The following CDK14 variants were observed in gnomAD, a reference collection of about 807,000 sequenced individuals.
The protein encoded by CDK14 is cyclin dependent kinase 14, also known as cyclin-dependent kinase 14.
Under a neutral mutation model 60.7 loss-of-function variants are expected in CDK14, and 34 were observed. That is an observed-to-expected ratio of 0.56 (90% confidence interval 0.43 to 0.75). The LOEUF (loss-of-function observed/expected upper bound fraction) is 0.75. CDK14 is among the 30% of genes least tolerant of loss of function. The pLI, the probability that CDK14 is intolerant of heterozygous loss-of-function variation, is 0.00. For synonymous variants in CDK14, 197 were observed against 203.7 expected (o/e 0.97, Z 0.28); for missense variants, 482 against 564.1 (o/e 0.85, Z 1.47).
rs75474748 is a variant in CDK14 at position 90,743,407 on chromosome 7, A to G, written c.370-4274A>G. Reference sequence around the variant, plus strand: ...AAAAAGCAACTTGAAATGTTTTTGCAGGTTTCAATATTGAGCTCATCTTTG... The same window carrying G: ...AAAAAGCAACTTGAAATGTTTTTGCGGGTTTCAATATTGAGCTCATCTTTG... On this transcript the variant is annotated intron_variant, in intron 3 of 14. Transcript: ENST00000380050. Among the ~76,000 whole-genome samples, 1,522 of 152,236 alleles carry G rather than the reference A, an allele frequency of 1.0e-2. 24 individuals are homozygous for G. Among genetic ancestry groups the G allele is most frequent in the African/African-American group, 0.034 (1,397 of 41,562 alleles).
intron 8 of CDK14, among the ~76,000 whole-genome samples, chr7:90,930,096 T>A (rs139398326): frequency 3.7e-4 from 57 of 152,254 alleles, no homozygotes; most frequent in African/African-American, 1.3e-3. Flanking sequence ...TAATAGCTTG[T>A]TTTTTAGGAC....
At chr7:90,599,339 A>T (rs17866438) in intron 1 of CDK14, among the ~76,000 whole-genome samples, 11 of 152,242 alleles carry the variant, frequency 7.2e-5, no homozygotes, top group Non-Finnish European at 1.5e-4. Flanking sequence ...GCAAGAGAAG[A>T]GGGAAGTGGC....
At chr7:91,147,738 C>A (rs545281450) in intron 14 of CDK14, among the ~76,000 whole-genome samples, 1 of 152,068 alleles carries the variant, frequency 6.6e-6, no homozygotes, top group African/African-American at 2.4e-5. Flanking sequence ...CTCTTTCCCC[C>A]CTCCCCCCCA....
chr7:90,702,835 T>A (rs1430634209), intron 2 of CDK14, among the ~76,000 whole-genome samples: 1 of 152,160 alleles, frequency 6.6e-6, no homozygotes, highest in African/African-American at 2.4e-5. Flanking sequence ...TCAAATGTAA[T>A]TAAAAATTAT....
intron 4 of CDK14, among the ~76,000 whole-genome samples, chr7:90,766,941 T>G (rs1804588654): frequency 6.6e-6 from 1 of 152,102 alleles, no homozygotes; most frequent in African/African-American, 2.4e-5. Context: ...TTGCCTGCAG[T>G]GTCAGCAGCT....
chr7:90,960,375 G>C (rs746620784), intron 9 of CDK14, among the ~76,000 whole-genome samples: 30 of 152,038 alleles, frequency 2.0e-4, no homozygotes, highest in Admixed American at 3.3e-4. Flanking sequence ...CTTTTAAAAA[G>C]CTAATTAACA....
chr7:91,199,686 T>TTA (rs1802656905), intron 14 of CDK14, among the ~76,000 whole-genome samples: 1 of 152,226 alleles, frequency 6.6e-6, no homozygotes, highest in African/African-American at 2.4e-5. Flanking sequence ...AATGTTAGAC[T>TTA]TACAGCTTTG....
intron 2 of CDK14, among the ~76,000 whole-genome samples, chr7:90,676,198 T>G (rs1264695724): frequency 6.6e-6 from 1 of 152,224 alleles, no homozygotes; most frequent in South Asian, 2.1e-4. Context: ...CTAAATAGTA[T>G]GTTACATAGT....
At chr7:90,827,160 G>A (rs10282671) in intron 5 of CDK14, among the ~76,000 whole-genome samples, 108,949 of 151,492 alleles carry the variant, frequency 0.72, 39,348 homozygotes, top group East Asian at 0.89. Context: ...CTGTCTTAAT[G>A]GTTTTGTCTT....
At chr7:90,777,450 G>T (rs1419404741) in intron 4 of CDK14, among the ~76,000 whole-genome samples, 5 of 152,204 alleles carry the variant, frequency 3.3e-5, no homozygotes, top group Non-Finnish European at 7.3e-5. Flanking sequence ...GGAACCTGAA[G>T]GTTTAACACA....
At chr7:91,071,434 G>C (rs1798141658) in intron 11 of CDK14, among the ~76,000 whole-genome samples, 1 of 152,194 alleles carries the variant, frequency 6.6e-6, no homozygotes, top group Non-Finnish European at 1.5e-5. Context: ...GCCACATGGG[G>C]CAGGGGACCC....
intron 4 of CDK14, among the ~76,000 whole-genome samples, chr7:90,749,307 G>A (rs921045772): frequency 6.6e-6 from 1 of 151,732 alleles, no homozygotes; most frequent in Non-Finnish European, 1.5e-5. Context: ...TTCACTCCAT[G>A]CCCAGTCAGA....
chr7:90,681,300 C>A (rs1801311105), intron 2 of CDK14, among the ~76,000 whole-genome samples: 1 of 152,134 alleles, frequency 6.6e-6, no homozygotes, highest in Non-Finnish European at 1.5e-5. Flanking sequence ...TCACTTTAAT[C>A]CCTGTGTACT....
At chr7:90,641,906 A>G (rs568979803) in intron 2 of CDK14, among the ~76,000 whole-genome samples, 10 of 152,200 alleles carry the variant, frequency 6.6e-5, no homozygotes, top group Admixed American at 3.9e-4. Context: ...TGAAAGGCAC[A>G]TCTCACATGG....
chr7:90,652,942 A>G (rs1412723634), intron 2 of CDK14, among the ~76,000 whole-genome samples: 8 of 152,086 alleles, frequency 5.3e-5, no homozygotes, highest in African/African-American at 1.9e-4. Context: ...CAAATATGCT[A>G]GATATCTTGT....
chr7:91,202,228 A>G (rs1802751815), intron 14 of CDK14, among the ~76,000 whole-genome samples: 3 of 152,234 alleles, frequency 2.0e-5, no homozygotes, highest in Admixed American at 2.0e-4. Flanking sequence ...CGGGCGATCC[A>G]ATTAATTAAT....
At chr7:90,962,353 G>A (rs1794626372) in intron 9 of CDK14, among the ~76,000 whole-genome samples, 2 of 152,120 alleles carry the variant, frequency 1.3e-5, no homozygotes, top group African/African-American at 4.8e-5. Context: ...GGGCATGGTG[G>A]CACATGCATG....
At chr7:91,027,448 TC>T (rs1289493369) in intron 10 of CDK14, among the ~76,000 whole-genome samples, 1 of 152,166 alleles carries the variant, frequency 6.6e-6, no homozygotes, top group Non-Finnish European at 1.5e-5. Flanking sequence ...CAGCCATACT[TC>T]CTCGGAAGAT....
At chr7:90,718,708 C>T (rs1325921902) in intron 2 of CDK14, among the ~76,000 whole-genome samples, 2 of 152,118 alleles carry the variant, frequency 1.3e-5, no homozygotes, top group Non-Finnish European at 2.9e-5. Context: ...CTCTTACTGC[C>T]ATCTCTGTGT....
Sources: allele counts gnomAD v4.1 joint callset (sites outside exome capture counted in the v4.1 genomes callset), GRCh38; gene constraint gnomAD v4.1.1; transcripts MANE v1.5; gene names NCBI Gene and HGNC (gene_info 2026-07-23, HGNC 2026-07-21).